The following GSE1 variants were observed in gnomAD, a reference collection of about 807,000 sequenced individuals.
GSE1 encodes the protein Gse1 coiled-coil protein.
GSE1 carries 32 observed loss-of-function variants against 112.6 expected under a neutral mutation model. The observed-to-expected ratio is 0.28, with a 90% CI of 0.21 to 0.38. The LOEUF (loss-of-function observed/expected upper bound fraction) is 0.38, where lower values mean the gene tolerates loss of function less well. Ranked by LOEUF, GSE1 falls within the 10% of genes least tolerant of loss-of-function variation. GSE1 has a pLI of 1.00. For synonymous variants in GSE1, 1,115 were observed against 735.6 expected (o/e 1.52, Z -8.35); for missense variants, 2,348 against 1,699.2 (o/e 1.38, Z -6.71).
chr16:85,614,824 CA>C (rs566515424), intron 1 of GSE1, among the ~76,000 whole-genome samples: 41 of 152,296 alleles, frequency 2.7e-4, no homozygotes, highest in African/African-American at 9.4e-4. Flanking sequence ...GGTTTGGAAA[CA>C]AAAAGCGGGG....
chr16:85,280,941 G>A (rs1399772029), intron 1 of GSE1, among the ~76,000 whole-genome samples: 1 of 152,172 alleles, frequency 6.6e-6, no homozygotes, highest in African/African-American at 2.4e-5. Context: ...AGGTCCTGGC[G>A]TTGCCTGCCC....
intron 1 of GSE1, among the ~76,000 whole-genome samples, chr16:85,240,042 C>T (rs115501993): frequency 0.012 from 1,837 of 152,340 alleles, 33 homozygotes; most frequent in African/African-American, 0.042. Flanking sequence ...TAGAGTGAGC[C>T]TGCAGCCCTG....
intron 2 of GSE1, among the ~76,000 whole-genome samples, chr16:85,449,311 T>C (rs1014461901): frequency 2.6e-5 from 4 of 152,292 alleles, no homozygotes; most frequent in South Asian, 2.1e-4. Flanking sequence ...CTTTTCTGGA[T>C]GGTTCTGGGC....
intron 2 of GSE1, among the ~76,000 whole-genome samples, chr16:85,543,370 T>C (rs2044590792): frequency 6.6e-6 from 1 of 152,072 alleles, no homozygotes; most frequent in Non-Finnish European, 1.5e-5. Context: ...TGATTAATAG[T>C]AGATATTTCT....
intron 1 of GSE1, among the ~76,000 whole-genome samples, chr16:85,296,588 C>T (rs2151451417): frequency 6.6e-6 from 1 of 152,318 alleles, no homozygotes; most frequent in Non-Finnish European, 1.5e-5. Context: ...GCCGGAGTGA[C>T]AGAGCAAGAT....
At chr16:85,237,481 C>T (rs1312474178) in intron 1 of GSE1, among the ~76,000 whole-genome samples, 1 of 151,988 alleles carries the variant, frequency 6.6e-6, no homozygotes, top group Non-Finnish European at 1.5e-5. Context: ...GAGTTCCGAG[C>T]TGGGGATTGA....
chr16:85,516,798 CTTT>C (rs71151300), intron 2 of GSE1, among the ~76,000 whole-genome samples: 2 of 129,616 alleles, frequency 1.5e-5, no homozygotes, highest in Admixed American at 8.2e-5. Context: ...TGTCTTGGTT[CTTT>C]TTTTTTTTTT....
chr16:85,309,892 C>G (rs942250434), intron 1 of GSE1, among the ~76,000 whole-genome samples: 7 of 152,236 alleles, frequency 4.6e-5, no homozygotes, highest in African/African-American at 1.7e-4. Flanking sequence ...CGGGCGCCCC[C>G]TTGCCACCCC....
chr16:85,206,679 C>A (rs1310849407), intron 1 of GSE1, among the ~76,000 whole-genome samples: 1 of 152,048 alleles, frequency 6.6e-6, no homozygotes, highest in Middle Eastern at 3.4e-3. Context: ...CCCGTCCCCT[C>A]CCCGGCTGGG....
intron 1 of GSE1, among the ~76,000 whole-genome samples, chr16:85,190,994 C>T (rs560510766): frequency 5.3e-5 from 8 of 152,336 alleles, no homozygotes; most frequent in African/African-American, 1.9e-4. Flanking sequence ...GAGTCTTGCT[C>T]ATGCCTGTAA....
intron 1 of GSE1, among the ~76,000 whole-genome samples, chr16:85,344,041 C>G (rs1455000349): frequency 6.6e-6 from 1 of 152,206 alleles, no homozygotes; most frequent in Non-Finnish European, 1.5e-5. Context: ...TCAGATACGT[C>G]TCCTTCAGCG....
intron 1 of GSE1, among the ~76,000 whole-genome samples, chr16:85,301,042 C>A (rs2045509261): frequency 6.6e-6 from 1 of 152,198 alleles, no homozygotes; most frequent in South Asian, 2.1e-4. Context: ...TCCCCCACTA[C>A]ACAGAATTCC....
At chr16:85,191,746 G>A (rs1428580918) in intron 1 of GSE1, among the ~76,000 whole-genome samples, 2 of 152,186 alleles carry the variant, frequency 1.3e-5, no homozygotes, top group Non-Finnish European at 2.9e-5. Context: ...CCCTCACCTC[G>A]AGAGTAAACG....
chr16:85,562,098 A>T (rs752856960), intron 1 of GSE1, among the ~76,000 whole-genome samples: 20 of 152,246 alleles, frequency 1.3e-4, no homozygotes, highest in Non-Finnish European at 2.8e-4. Flanking sequence ...GTTAGGCCTA[A>T]TGGGATCTGA....
At chr16:85,495,533 C>G (rs1050371132) in intron 2 of GSE1, among the ~76,000 whole-genome samples, 1 of 151,630 alleles carries the variant, frequency 6.6e-6, no homozygotes, top group African/African-American at 2.4e-5. Flanking sequence ...CTTACTCTGT[C>G]GGGCCCAGGC....
intron 1 of GSE1, among the ~76,000 whole-genome samples, chr16:85,304,306 C>T (rs534648797): frequency 1.3e-5 from 2 of 152,330 alleles, no homozygotes; most frequent in East Asian, 3.9e-4. Context: ...TCTTTACTGA[C>T]CTCCTGCCCT....
In GSE1 at chr16:85,302,752, C is replaced by T. The variant is rs193278436; in HGVS notation, c.2284-54711C>T. 1.3e-3 allele frequency among the ~76,000 whole-genome samples: 194 copies of T among 152,294 alleles called. 2 individuals carry two copies. The highest frequency in any genetic ancestry group is 4.5e-3 in the African/African-American group (186 of 41,568). On this transcript the variant is annotated intron_variant, in intron 1 of 2. Coordinates refer to the GSE1 transcript ENST00000637419. The stretch of plus-strand genomic sequence containing the variant: ...GGGCCCAGGCATCTGAACCTGAGAA[C>T]GTGATGAGCTCCAGGAGGTCAATTC...
chr16:85,391,873 C>T (rs960635468), intron 2 of GSE1, among the ~76,000 whole-genome samples: 10 of 152,172 alleles, frequency 6.6e-5, no homozygotes, highest in Non-Finnish European at 1.3e-4. Flanking sequence ...ACTTGCTATG[C>T]TGGAACGTGT....
chr16:85,207,362 C>T (rs1282243486), intron 1 of GSE1, among the ~76,000 whole-genome samples: 2 of 152,238 alleles, frequency 1.3e-5, no homozygotes, highest in African/African-American at 4.8e-5. Flanking sequence ...GGCCCCTGCC[C>T]GCCGCCAGCC....
Sources: gnomAD v4.1 joint callset for allele counts (sites outside exome capture counted in the v4.1 genomes callset) on GRCh38, gnomAD v4.1.1 for gene constraint, MANE v1.5 for transcripts, NCBI Gene and HGNC (gene_info 2026-07-23, HGNC 2026-07-21) for gene names.